The following ARPP21 variants were observed in gnomAD, a reference collection of about 807,000 sequenced individuals.
ARPP21 encodes the protein cAMP regulated phosphoprotein 21.
Under a neutral mutation model 113.2 loss-of-function variants are expected in ARPP21, and 69 were observed. The observed-to-expected ratio is 0.61, with a 90% confidence interval of 0.50 to 0.74. The LOEUF is 0.74. ARPP21 is among the 30% of genes least tolerant of loss of function. The probability of loss-of-function intolerance (pLI) is 0.00; values close to 1 mark genes in which losing one functional copy is unlikely to be tolerated. For synonymous variants in ARPP21, 368 were observed against 375.5 expected (o/e 0.98, Z 0.23); for missense variants, 1,070 against 1,037.4 (o/e 1.03, Z -0.43).
chr3:35,736,252 C>A (rs1458803400), intron 15 of ARPP21, among the ~76,000 whole-genome samples: 1 of 152,184 alleles, frequency 6.6e-6, no homozygotes, highest in Admixed American at 6.5e-5. Context: ...TGTTACTGTG[C>A]TTGCCACATA....
At chr3:35,749,989 C>A (rs1433250727) in intron 19 of ARPP21, among the ~76,000 whole-genome samples, 1 of 151,548 alleles carries the variant, frequency 6.6e-6, no homozygotes, top group Non-Finnish European at 1.5e-5. Flanking sequence ...TTTTATTGAC[C>A]TTTTCCAAGA....
chr3:35,684,534 T>G, intron 5 of ARPP21: 1 of 985,612 alleles, frequency 1.0e-6, no homozygotes, highest in Non-Finnish European at 1.2e-6. Flanking sequence ...CATATTAGCT[T>G]TTATAAAAAA....
At chr3:35,666,269 C>G (rs2074342851) in intron 1 of ARPP21, among the ~76,000 whole-genome samples, 1 of 152,006 alleles carries the variant, frequency 6.6e-6, no homozygotes, top group African/African-American at 2.4e-5. Context: ...AAATTTTTTA[C>G]TGGTTTCTTG....
intron 9 of ARPP21, among the ~76,000 whole-genome samples, chr3:35,705,314 T>C (rs545246600): frequency 3.0e-4 from 46 of 152,314 alleles, no homozygotes; most frequent in African/African-American, 1.1e-3. Flanking sequence ...CTTTACAGTG[T>C]AATAAGAAAT....
chr3:35,787,133 G>T (rs1371880354), intron 19 of ARPP21, among the ~76,000 whole-genome samples: 2 of 152,142 alleles, frequency 1.3e-5, no homozygotes, highest in East Asian at 3.9e-4. Context: ...GGCCTGAGAG[G>T]TCTTTATTTC....
chr3:35,642,582 G>T (rs528174106), intron 1 of ARPP21, among the ~76,000 whole-genome samples: 2 of 152,180 alleles, frequency 1.3e-5, no homozygotes, highest in African/African-American at 4.8e-5. Context: ...TAAAACTTGA[G>T]GGACATACTA....
intron 2 of ARPP21, 40 bp from the exon 3 acceptor site, chr3:35,681,674 C>G: frequency 9.4e-7 from 1 of 1,064,698 alleles, no homozygotes; most frequent in Non-Finnish European, 1.4e-6. Flanking sequence ...ATAGTAAATA[C>G]CTTGCACTGA....
At chr3:35,789,456 T>C (rs2096702596) in intron 19 of ARPP21, among the ~76,000 whole-genome samples, 1 of 152,140 alleles carries the variant, frequency 6.6e-6, no homozygotes, top group African/African-American at 2.4e-5. Flanking sequence ...GGAGAGAGAA[T>C]TGAGAAATGA....
rs750960923 is a variant in ARPP21, at chr3:35,791,677, AT to A, written c.2138-700del. On this transcript the variant is annotated intron_variant, in intron 19 of 20. Transcript: ENST00000684406. ...CACCCAGAAAGACATGAACAGATAA[AT>A]TTTTGAATATTGTATTCTTTATTAT... is the stretch of plus-strand genomic sequence containing the variant. Among the ~76,000 whole-genome samples, 66 of 152,302 alleles carry A rather than the reference AT, an allele frequency of 4.3e-4. 1 individual carries two copies. Among genetic ancestry groups the A allele is most frequent in the Admixed American group, 8.5e-4 (13 of 15,288 alleles).
chr3:35,789,454 A>G (rs993847463), intron 19 of ARPP21, among the ~76,000 whole-genome samples: 1 of 152,118 alleles, frequency 6.6e-6, no homozygotes, highest in African/African-American at 2.4e-5. Flanking sequence ...CTGGAGAGAG[A>G]ATTGAGAAAT....
chr3:35,696,993 T>TA (rs1221368872), intron 9 of ARPP21, among the ~76,000 whole-genome samples: 6 of 151,528 alleles, frequency 4.0e-5, no homozygotes, highest in Non-Finnish European at 8.9e-5. Flanking sequence ...GAAGCACACT[T>TA]AGAGTGTACC....
intron 1 of ARPP21, among the ~76,000 whole-genome samples, chr3:35,672,165 T>A (rs2076483305): frequency 6.6e-6 from 1 of 152,096 alleles, no homozygotes; most frequent in Non-Finnish European, 1.5e-5. Flanking sequence ...CTCAAATCCC[T>A]TTGTCTGCTG....
At chr3:35,782,666 T>C (rs1357603141) in intron 19 of ARPP21, among the ~76,000 whole-genome samples, 3 of 152,182 alleles carry the variant, frequency 2.0e-5, no homozygotes, top group Non-Finnish European at 4.4e-5. Flanking sequence ...CCGTTGATGT[T>C]GAATGTGCTA....
intron 20 of ARPP21, 79 bp downstream of exon 20, chr3:35,792,609 T>C: frequency 4.3e-6 from 6 of 1,390,916 alleles, no homozygotes; most frequent in Non-Finnish European, 6.1e-6. Flanking sequence ...TGTCCCTGGT[T>C]TGGGTGGCTG....
intron 1 of ARPP21, among the ~76,000 whole-genome samples, chr3:35,670,727 A>G (rs1231442938): frequency 1.3e-5 from 2 of 151,948 alleles, no homozygotes; most frequent in Non-Finnish European, 2.9e-5. Context: ...GGACACATTG[A>G]AAAAAAAGAA....
At chr3:35,783,419 G>GTT (rs140084609) in intron 19 of ARPP21, among the ~76,000 whole-genome samples, 3 of 148,242 alleles carry the variant, frequency 2.0e-5, no homozygotes, top group African/African-American at 7.4e-5. Flanking sequence ...TTATTCTTGT[G>GTT]TTTTTTTTTT....
chr3:35,696,601 T>A (rs933421243), intron 9 of ARPP21, among the ~76,000 whole-genome samples: 1 of 151,556 alleles, frequency 6.6e-6, no homozygotes, highest in Non-Finnish European at 1.5e-5. Flanking sequence ...GCTCTGACAC[T>A]TTTTTATTTT....
chr3:35,691,096 A>C (rs1001432598), intron 9 of ARPP21, 91 bp downstream of exon 9: 1 of 1,335,220 alleles, frequency 7.5e-7, no homozygotes, highest in South Asian at 1.6e-5. Flanking sequence ...AGTACATGAC[A>C]TTTAAAATGT....
intron 13 of ARPP21, among the ~76,000 whole-genome samples, chr3:35,718,909 C>CAA (rs35647414): frequency 2.8e-5 from 2 of 71,928 alleles, no homozygotes; most frequent in African/African-American, 5.3e-5. Context: ...GTAACCTGTG[C>CAA]AAAAAAAAAA....
Sources: allele counts gnomAD v4.1 joint callset (sites outside exome capture counted in the v4.1 genomes callset), GRCh38; gene constraint gnomAD v4.1.1; transcripts MANE v1.5; gene names NCBI Gene and HGNC (gene_info 2026-07-23, HGNC 2026-07-21).